Variants in ZNF248 observed in about 807,000 individuals in gnomAD.
ZNF248 encodes the protein zinc finger protein 248, also known as KRAB protein domain.
ZNF248 carries 20 observed loss-of-function variants against 44.3 expected under a neutral mutation model. The ratio of observed to expected loss-of-function variants is 0.45; its 90% confidence interval spans 0.32 to 0.66. The LOEUF (loss-of-function observed/expected upper bound fraction) is 0.66, where lower values mean the gene tolerates loss of function less well. ZNF248 is among the 30% of genes least tolerant of loss of function. The pLI is 0.04. For missense variants in ZNF248, 654 were observed against 677.0 expected, an observed-to-expected ratio of 0.97 and a Z score of 0.38; for synonymous variants, 224 against 229.0, an observed-to-expected ratio of 0.98 and a Z score of 0.20.
Position 37,830,833 on chromosome 10 carries a change from G to A in ZNF248, c.*782C>T, listed in dbSNP as rs991666439. On this transcript the variant is annotated 3_prime_UTR_variant, in exon 6 of 6. Coordinates refer to ENST00000395867, the MANE Select transcript of ZNF248 (RefSeq NM_021045.3). The stretch of plus-strand genomic sequence containing the variant: ...AAAACAGCAAAGGTAATAGTGAAAT[G>A]TAGCAAAATAATTAGGAAGTGATGA... 1.1e-5 allele frequency: 2 copies of A among 190,064 alleles called. No individual in the cohort carries two copies. The highest frequency in any genetic ancestry group is 4.8e-5 in the African/African-American group (2 of 42,058). The allele number at this position is 190,064 out of a possible 1,614,324, so 11.8% of individuals were successfully genotyped here.
intron 6 of ZNF248, among the ~76,000 whole-genome samples, chr10:37,786,845 T>C (rs955316442): frequency 1.3e-5 from 2 of 152,240 alleles, no homozygotes; most frequent in Non-Finnish European, 2.9e-5. Context: ...ATTGTGATAA[T>C]GCACAAAAGT....
At chr10:37,825,732 C>A (rs1397651225), downstream of ZNF248, among the ~76,000 whole-genome samples, 1 of 152,102 alleles carries the variant, frequency 6.6e-6, no homozygotes, top group Non-Finnish European at 1.5e-5. Context: ...TGAGCCACCC[C>A]ACCCAGCCGT....
Position 37,828,995 on chromosome 10 carries a change from C to T in ZNF248, c.*2620G>A, listed in dbSNP as rs2054898496. The T allele has an allele frequency of 1.0e-6, 1 of 985,324 alleles. No individual in the cohort carries two copies. Among genetic ancestry groups the T allele is most frequent in the Non-Finnish European group, 1.2e-6 (1 of 829,936 alleles). The allele number at this position is 985,324 out of a possible 1,614,324, so 61.0% of individuals were successfully genotyped here. The stretch of plus-strand genomic sequence containing the variant: ...TGCAACTAGTAGAATAACTTTATTT[C>T]TAACACTGAGCCTTCTACATAGGAA... On this transcript the variant is annotated 3_prime_UTR_variant, in exon 6 of 6. Transcript: ENST00000395867.
intron 6 of ZNF248, among the ~76,000 whole-genome samples, chr10:37,778,951 A>G (rs1261958762): frequency 3.3e-5 from 5 of 152,198 alleles, no homozygotes; most frequent in Non-Finnish European, 5.9e-5. Context: ...ACACTCTCCC[A>G]AGACTAAACC....
intron 6 of ZNF248, among the ~76,000 whole-genome samples, chr10:37,805,188 G>T (rs2050383803): frequency 6.6e-6 from 1 of 152,142 alleles, no homozygotes; most frequent in South Asian, 2.1e-4. Flanking sequence ...GCACCCTGAG[G>T]ATTTCTAGCT....
At chr10:37,776,182 G>T (rs1007040037), downstream of ZNF248, 3 of 165,316 alleles carry the variant, frequency 1.8e-5, no homozygotes, top group African/African-American at 7.1e-5. Flanking sequence ...ACTGGAGATA[G>T]AACTCCTCCA....
At chr10:37,804,778 G>T (rs1236425886) in intron 6 of ZNF248, among the ~76,000 whole-genome samples, 1 of 152,138 alleles carries the variant, frequency 6.6e-6, no homozygotes, top group Admixed American at 6.6e-5. Flanking sequence ...TCAAGGATGG[G>T]TTATCAAATC....
Position 37,832,226 on chromosome 10 carries a change from C to T in ZNF248, c.1129G>A (p.Glu377Lys), listed in dbSNP as rs1437261816. ...LTQLRRAHTG[E>K]KTFECGECGK... ...CATTCACCACATTCAAAGGTTTTTTCTCCTGTGTGAGCTCTCCGAAGCTGG... is the reference window on the plus strand; with the variant it reads ...CATTCACCACATTCAAAGGTTTTTTTTCCTGTGTGAGCTCTCCGAAGCTGG... The change falls in exon 6 of 6, where the codon GAA (glutamate) becomes AAA (lysine). Residue 377 changes from glutamate to lysine, a missense_variant. Coordinates refer to ENST00000395867, the MANE Select transcript of ZNF248 (RefSeq NM_021045.3). The T allele has an allele frequency of 3.1e-6, 5 of 1,614,034 alleles. No homozygotes were observed. Among genetic ancestry groups the T allele is most frequent in the Non-Finnish European group, 1.7e-6 (2 of 1,179,958 alleles).
At chr10:37,850,346 A>T (rs2060020966) in intron 3 of ZNF248, among the ~76,000 whole-genome samples, 1 of 152,254 alleles carries the variant, frequency 6.6e-6, no homozygotes, top group South Asian at 2.1e-4. Context: ...CTGAAAAAAT[A>T]GCAGAGTCAG....
At chr10:37,825,918 G>C (rs2054314043), downstream of ZNF248, among the ~76,000 whole-genome samples, 3 of 151,488 alleles carry the variant, frequency 2.0e-5, no homozygotes, top group African/African-American at 7.3e-5. Flanking sequence ...AAGGGGGGGA[G>C]AGAGAGAGAA....
intron 6 of ZNF248, among the ~76,000 whole-genome samples, chr10:37,822,423 A>G (rs1337997233): frequency 6.6e-6 from 1 of 152,190 alleles, no homozygotes; most frequent in Non-Finnish European, 1.5e-5. Flanking sequence ...AATGAAAAAA[A>G]ATTCAGAAAA....
downstream of ZNF248, among the ~76,000 whole-genome samples, chr10:37,825,041 T>C (rs1400683727): frequency 2.6e-5 from 4 of 151,852 alleles, no homozygotes; most frequent in Admixed American, 6.6e-5. Context: ...AATATTCCCA[T>C]AGACAAATGT....
At chr10:37,833,196 T>C (rs1005237678) in intron 5 of ZNF248, 80 bp from the exon 6 acceptor site, 5 of 1,483,694 alleles carry the variant, frequency 3.4e-6, no homozygotes, top group Admixed American at 2.4e-5. Context: ...AAATGCACTA[T>C]CATACAGTCA....
In ZNF248 at chr10:37,830,073, A is replaced by G. The variant is rs1465480885; in HGVS notation, c.*1542T>C. On this transcript the variant is annotated 3_prime_UTR_variant, in exon 6 of 6. Coordinates refer to ENST00000395867, the MANE Select transcript of ZNF248 (RefSeq NM_021045.3). ...GAGGCAGAGATACTCTAAAATACTA[A>G]TACGCAGAACTAGTGTTACATAGAC... The G allele has an allele frequency of 1.0e-6, 1 of 985,306 alleles. No homozygotes were observed. The highest frequency in any genetic ancestry group is 1.7e-5 in the African/African-American group (1 of 57,240). The allele number at this position is 985,306 out of a possible 1,614,324, so 61.0% of individuals were successfully genotyped here. A position where few individuals can be genotyped will look rare whatever the true frequency, so the allele number is the denominator to read the frequency against.
intron 3 of ZNF248, among the ~76,000 whole-genome samples, chr10:37,846,168 TC>T (rs1347096776): frequency 3.9e-5 from 6 of 152,184 alleles, no homozygotes; most frequent in Non-Finnish European, 8.8e-5. Flanking sequence ...TGCCTCCATT[TC>T]TCTTGCTGCA....
In ZNF248 at chr10:37,856,267, A is replaced by T. The variant is rs767540920; in HGVS notation, c.15+29T>A. The T allele has an allele frequency of 7.5e-6, 12 of 1,609,888 alleles. No individual in the cohort carries two copies. The Admixed American group carries it at 1.8e-4, about 25-fold the overall frequency. On this transcript the variant is annotated intron_variant, in intron 3 of 5. Transcript: ENST00000395867. ...AACTTCAGAAATCCATTTTTAAACA[A>T]ACTGGGAATAAAGAAACAAGAATCT...
the ZNF248 span, among the ~76,000 whole-genome samples, chr10:37,771,057 CA>C: frequency 6.6e-6 from 1 of 152,164 alleles, no homozygotes; most frequent in Admixed American, 6.5e-5. Flanking sequence ...AAATGCAAAT[CA>C]AAACCACAAT....
At chr10:37,828,059 G>A (rs192185263), downstream of ZNF248, among the ~76,000 whole-genome samples, 3 of 152,286 alleles carry the variant, frequency 2.0e-5, no homozygotes, top group East Asian at 5.8e-4. Flanking sequence ...ACTGTTCATT[G>A]TGAGATCAGT....
At chr10:37,841,414 CCTT>C (rs1293420562) in intron 3 of ZNF248, among the ~76,000 whole-genome samples, 2 of 150,898 alleles carry the variant, frequency 1.3e-5, no homozygotes, top group African/African-American at 2.4e-5. Flanking sequence ...ACTTTGTTGT[CCTT>C]CTTTCATGCA....
Sources: allele counts gnomAD v4.1 joint callset (sites outside exome capture counted in the v4.1 genomes callset), GRCh38; gene constraint gnomAD v4.1.1; transcripts MANE v1.5; gene names NCBI Gene and HGNC (gene_info 2026-07-23, HGNC 2026-07-21).